The following ENTPD1 variants were observed in gnomAD, a reference collection of about 807,000 sequenced individuals.
ENTPD1 encodes the protein ATP diphosphohydrolase.
In ENTPD1, 33 loss-of-function variants were observed where a neutral mutation model predicts 57.0. The ratio of observed to expected loss-of-function variants is 0.58; its 90% confidence interval spans 0.44 to 0.77. The LOEUF (loss-of-function observed/expected upper bound fraction) is 0.77, where lower values mean the gene tolerates loss of function less well. Among genes scored for constraint, ENTPD1 ranks in the 30% least tolerant of loss-of-function variants. The pLI is 0.00. For missense variants in ENTPD1, 501 were observed against 603.4 expected, an observed-to-expected ratio of 0.83 and a Z score of 1.78; for synonymous variants, 202 against 218.8, an observed-to-expected ratio of 0.92 and a Z score of 0.68.
chr10:95,871,500 C>A lies in ENTPD1; in HGVS notation c.*5117C>A. 1 of 985,328 alleles carries A rather than the reference C, an allele frequency of 1.0e-6. No individual in the cohort carries two copies. Among genetic ancestry groups the A allele is most frequent in the Non-Finnish European group, 1.2e-6 (1 of 829,868 alleles). The allele number at this position is 985,328 out of a possible 1,614,324, so 61.0% of individuals were successfully genotyped here. ...GTTTAGGACAATGTATAGCTAATTA[C>A]CCAACTTTTTATTTGCATACAAATC... On this transcript the variant is annotated 3_prime_UTR_variant, in exon 10 of 10. Coordinates refer to ENST00000371205, the MANE Select transcript of ENTPD1 (RefSeq NM_001776.6).
At chr10:95,731,958 T>C (rs12359366) in intron 1 of ENTPD1, among the ~76,000 whole-genome samples, 40,666 of 151,382 alleles carry the variant, frequency 0.27, 6,295 homozygotes, top group Admixed American at 0.38. Flanking sequence ...AATTTTTGTA[T>C]TTTTAGTAGA....
At chr10:95,741,394 A>G (rs1359075753) in intron 1 of ENTPD1, among the ~76,000 whole-genome samples, 2 of 152,214 alleles carry the variant, frequency 1.3e-5, no homozygotes, top group African/African-American at 4.8e-5. Context: ...CAAAACAGTT[A>G]CAATTTTAAT....
At chr10:95,809,399 G>A (rs1477981432) in intron 1 of ENTPD1, among the ~76,000 whole-genome samples, 1 of 142,952 alleles carries the variant, frequency 7.0e-6, no homozygotes, top group Non-Finnish European at 1.5e-5. Context: ...CCACCCCCCA[G>A]ACGGGGAGGC....
intron 1 of ENTPD1, among the ~76,000 whole-genome samples, chr10:95,819,755 A>G (rs2098342568): frequency 6.6e-6 from 1 of 152,202 alleles, no homozygotes; most frequent in African/African-American, 2.4e-5. Flanking sequence ...AAAAGAAAAA[A>G]ATGCAAAGGA....
At position 95,823,253 on chromosome 10, in the gene ENTPD1, A is replaced by G. The variant is rs2098360397; in HGVS notation, c.33A>G (p.Thr11=). MEDTKESNVK[T]FCSKNILAIL... The stretch of plus-strand genomic sequence containing the variant: ...TGGTTTTAGAGTCTAACGTGAAGAC[A>G]TTTTGCTCCAAGAATATCCTAGCCA... The change falls in exon 2 of 10, where the codon ACA becomes ACG. Residue 11 remains threonine (T), a synonymous_variant. Coordinates refer to ENST00000371205, the MANE Select transcript of ENTPD1 (RefSeq NM_001776.6). 2 of 1,614,152 alleles carry G rather than the reference A, an allele frequency of 1.2e-6. No homozygotes were observed. The highest frequency in any genetic ancestry group is 1.7e-6 in the Non-Finnish European group (2 of 1,179,996).
intron 2 of ENTPD1, chr10:95,833,743 C>G (rs2098402889): frequency 6.5e-6 from 1 of 153,278 alleles, no homozygotes. Flanking sequence ...GATCAAGGTG[C>G]TGGCAGGCTT....
chr10:95,735,219 C>T (rs559459731), intron 1 of ENTPD1, among the ~76,000 whole-genome samples: 5 of 151,866 alleles, frequency 3.3e-5, no homozygotes, highest in Admixed American at 6.6e-5. Flanking sequence ...TTAGTAGAGA[C>T]GGGGTTTCAC....
At chr10:95,755,585 T>C (rs1171513512), upstream of ENTPD1, 5 of 988,808 alleles carry the variant, frequency 5.1e-6, no homozygotes, top group East Asian at 1.0e-4. Context: ...GCAGCTCCTC[T>C]GTGGTTCCAC....
chr10:95,774,831 T>C (rs530459512), intron 1 of ENTPD1, among the ~76,000 whole-genome samples: 6 of 152,342 alleles, frequency 3.9e-5, no homozygotes, highest in East Asian at 1.9e-4. Context: ...TTTGGTTCCA[T>C]AGGAACTTTA....
At chr10:95,735,726 G>A (rs2097993992) in intron 1 of ENTPD1, among the ~76,000 whole-genome samples, 1 of 151,992 alleles carries the variant, frequency 6.6e-6, no homozygotes, top group Non-Finnish European at 1.5e-5. Context: ...CTCCCGAGTA[G>A]CTGGGATTAC....
chr10:95,761,420 T>C (rs1378688197), intron 1 of ENTPD1, among the ~76,000 whole-genome samples: 1 of 152,108 alleles, frequency 6.6e-6, no homozygotes, highest in Non-Finnish European at 1.5e-5. Flanking sequence ...ATGCTGCCCC[T>C]CCACAGACCA....
At chr10:95,797,367 T>A (rs1015011757) in intron 1 of ENTPD1, among the ~76,000 whole-genome samples, 1 of 152,052 alleles carries the variant, frequency 6.6e-6, no homozygotes, top group Non-Finnish European at 1.5e-5. Flanking sequence ...GAAATACAGA[T>A]CAGGGAATCA....
intron 1 of ENTPD1, among the ~76,000 whole-genome samples, chr10:95,803,648 G>A (rs1027926789): frequency 1.3e-5 from 2 of 152,158 alleles, no homozygotes; most frequent in Admixed American, 6.5e-5. Context: ...CTCCCATTCT[G>A]TAGGTTGCCT....
the ENTPD1 span, among the ~76,000 whole-genome samples, chr10:95,703,183 A>G: frequency 6.6e-6 from 1 of 152,230 alleles, no homozygotes; most frequent in Admixed American, 6.5e-5. Context: ...AGATTCCTCA[A>G]AAATGAAGAT....
chr10:95,696,618 T>C, the ENTPD1 span, among the ~76,000 whole-genome samples: 4 of 152,340 alleles, frequency 2.6e-5, no homozygotes, highest in South Asian at 2.1e-4. Flanking sequence ...CTCTGTAATA[T>C]AGAACTCTCA....
At chr10:95,708,823 A>T (rs181680003), upstream of ENTPD1, among the ~76,000 whole-genome samples, 33 of 152,300 alleles carry the variant, frequency 2.2e-4, no homozygotes, top group Non-Finnish European at 3.7e-4. Flanking sequence ...AAAAAGTTAA[A>T]CAATGTTTGT....
chr10:95,704,138 A>G, the ENTPD1 span, among the ~76,000 whole-genome samples: 1 of 152,188 alleles, frequency 6.6e-6, no homozygotes, highest in Admixed American at 6.5e-5. Context: ...AATATTTCTG[A>G]GAGGAATAAT....
intron 1 of ENTPD1, among the ~76,000 whole-genome samples, chr10:95,762,390 GT>G (rs5787157): frequency 0.29 from 39,110 of 134,524 alleles, 5,762 homozygotes; most frequent in Admixed American, 0.39. Context: ...TTTCCTGGCA[GT>G]TTTTTTTTTT....
intron 1 of ENTPD1, among the ~76,000 whole-genome samples, chr10:95,797,478 C>T (rs1044998951): frequency 5.3e-5 from 8 of 152,026 alleles, no homozygotes; most frequent in African/African-American, 1.9e-4. Context: ...TAAAGGAATG[C>T]CTGAGACTGG....
Sources: gnomAD v4.1 joint callset for allele counts (sites outside exome capture counted in the v4.1 genomes callset) on GRCh38, gnomAD v4.1.1 for gene constraint, MANE v1.5 for transcripts, NCBI Gene and HGNC (gene_info 2026-07-23, HGNC 2026-07-21) for gene names.